Variants in RIMS2 observed in about 807,000 individuals in gnomAD.
RIMS2 encodes regulating synaptic membrane exocytosis 2, also known as regulating synaptic membrane exocytosis protein 2.
In RIMS2, 59 loss-of-function variants were observed where a neutral mutation model predicts 174.4. The observed-to-expected ratio is 0.34, with a 90% CI of 0.27 to 0.42. The LOEUF is 0.42. Among genes scored for constraint, RIMS2 ranks in the 10% least tolerant of loss-of-function variants. The pLI, the probability that RIMS2 is intolerant of heterozygous loss-of-function variation, is 1.00. For missense variants in RIMS2, 1,620 were observed against 1,666.3 expected, an observed-to-expected ratio of 0.97 and a Z score of 0.48; for synonymous variants, 606 against 572.5, an observed-to-expected ratio of 1.06 and a Z score of -0.84.
chr8:104,102,773 C>T (rs994854871), intron 19 of RIMS2, among the ~76,000 whole-genome samples: 6 of 152,066 alleles, frequency 3.9e-5, no homozygotes, highest in African/African-American at 7.2e-5. Flanking sequence ...TTCACTATCA[C>T]GAGAGCAGCA....
At chr8:104,198,451 A>T (rs2099036929) in intron 19 of RIMS2, among the ~76,000 whole-genome samples, 1 of 152,174 alleles carries the variant, frequency 6.6e-6, no homozygotes, top group Non-Finnish European at 1.5e-5. Flanking sequence ...GAGAAACCAC[A>T]CAAAAGACAG....
At chr8:103,936,375 A>G (rs2081257056) in intron 12 of RIMS2, among the ~76,000 whole-genome samples, 176 bp from the exon 15 acceptor site, 1 of 152,214 alleles carries the variant, frequency 6.6e-6, no homozygotes, top group Non-Finnish European at 1.5e-5. Context: ...AAAGTGTGAT[A>G]TAGTATACAC....
chr8:104,041,180 T>G, intron 19 of RIMS2, 146 bp from the exon 22 acceptor site: 2 of 410,844 alleles, frequency 4.9e-6, no homozygotes, highest in Non-Finnish European at 8.7e-6. Flanking sequence ...ATGCATTTGA[T>G]TATATCTTCC....
At chr8:103,648,851 T>G (rs1423637386) in intron 1 of RIMS2, among the ~76,000 whole-genome samples, 2 of 152,192 alleles carry the variant, frequency 1.3e-5, no homozygotes, top group Admixed American at 1.3e-4. Flanking sequence ...GTGAGATGGG[T>G]CTCTTGAAGA....
rs577394233 is a variant in RIMS2 at position 103,527,853 on chromosome 8, G to A, written c.176+26791G>A. The stretch of plus-strand genomic sequence containing the variant: ...GTGAATAGTGCCGCAGTAAACATAC[G>A]TGTGCATGTGTCTTTATAGCAGCAT... On this transcript the variant is annotated intron_variant, in intron 1 of 23. Coordinates refer to ENST00000504942, the Ensembl canonical transcript of RIMS2. 4.6e-5 allele frequency among the ~76,000 whole-genome samples: 7 copies of A among 152,150 alleles called. No homozygotes were observed. In the East Asian group the frequency reaches 7.7e-4, roughly 17 times the overall value.
At chr8:103,759,195 T>G (rs1299195914) in intron 2 of RIMS2, among the ~76,000 whole-genome samples, 1 of 152,128 alleles carries the variant, frequency 6.6e-6, no homozygotes, top group Non-Finnish European at 1.5e-5. Context: ...TGGAAGGGAA[T>G]CACCCTTCGG....
intron 3 of RIMS2, among the ~76,000 whole-genome samples, chr8:103,839,352 G>C (rs1198638824): frequency 6.6e-6 from 1 of 152,144 alleles, no homozygotes; most frequent in Non-Finnish European, 1.5e-5. Flanking sequence ...TTCATCTTGA[G>C]AATGCTAATT....
chr8:103,603,138 C>T (rs2094844813), intron 1 of RIMS2, among the ~76,000 whole-genome samples: 1 of 103,586 alleles, frequency 9.7e-6, no homozygotes, highest in Non-Finnish European at 1.8e-5. Flanking sequence ...CCAGTGCTAT[C>T]CCTCCCCCCT....
intron 19 of RIMS2, among the ~76,000 whole-genome samples, chr8:104,196,881 T>C (rs527751115): frequency 1.5e-3 from 232 of 152,316 alleles, no homozygotes; most frequent in Non-Finnish European, 2.5e-3. Flanking sequence ...AACATAATTA[T>C]TGAAAAGTTT....
intron 16 of RIMS2, among the ~76,000 whole-genome samples, chr8:103,981,838 C>A (rs2093929150): frequency 6.6e-6 from 1 of 151,430 alleles, no homozygotes; most frequent in South Asian, 2.1e-4. Flanking sequence ...AAAGAGCAAA[C>A]AAAAGAAAAA....
chr8:103,574,021 G>A (rs1208648711), intron 1 of RIMS2, among the ~76,000 whole-genome samples: 1 of 151,504 alleles, frequency 6.6e-6, no homozygotes, highest in East Asian at 1.9e-4. Context: ...ATTTGTTTCA[G>A]GTTTTTGCAT....
chr8:103,989,295 G>T lies in RIMS2; in HGVS notation c.2928-10G>T, dbSNP rs955729133. 1 of 1,486,462 alleles carries T rather than the reference G, an allele frequency of 6.7e-7. No individual in the cohort carries two copies. Among genetic ancestry groups the T allele is most frequent in the Non-Finnish European group, 9.4e-7 (1 of 1,065,024 alleles). 92.1% of individuals were successfully genotyped at this position (1,486,462 alleles called of 1,614,324 possible). On this transcript the variant is annotated splice_polypyrimidine_tract_variant and intron_variant, in intron 16 of 23. Transcript: ENST00000504942. ...TTTACTAAGATATTGAATAGATCTT[G>T]TTGTTTTAGTCGGAATGTGGAACAG...
chr8:103,989,948 G>A (rs1177154594), intron 17 of RIMS2, among the ~76,000 whole-genome samples: 3 of 152,036 alleles, frequency 2.0e-5, no homozygotes, highest in Non-Finnish European at 4.4e-5. Context: ...CTTAAAGATT[G>A]TTTGCTGTAT....
chr8:103,763,502 C>A (rs150575568), intron 2 of RIMS2, among the ~76,000 whole-genome samples: 1 of 148,118 alleles, frequency 6.8e-6, no homozygotes, highest in Non-Finnish European at 1.5e-5. Flanking sequence ...AGGGAGAAAG[C>A]GAGGAATATA....
chr8:103,614,797 G>C (rs148760028), intron 1 of RIMS2, among the ~76,000 whole-genome samples: 1 of 152,170 alleles, frequency 6.6e-6, no homozygotes, highest in South Asian at 2.1e-4. Context: ...TGCAGAAGTC[G>C]CATGAAATTA....
chr8:103,965,997 C>T (rs988009476), intron 15 of RIMS2, among the ~76,000 whole-genome samples: 1 of 152,018 alleles, frequency 6.6e-6, no homozygotes, highest in Non-Finnish European at 1.5e-5. Context: ...ATTAATCCCA[C>T]TTATTGTGTA....
At chr8:104,171,078 C>T (rs1377852322) in intron 19 of RIMS2, among the ~76,000 whole-genome samples, 1 of 152,032 alleles carries the variant, frequency 6.6e-6, no homozygotes, top group East Asian at 1.9e-4. Flanking sequence ...AAATTATTTC[C>T]TTCATCTTAA....
At chr8:104,046,630 A>T (rs1402053933) in intron 19 of RIMS2, among the ~76,000 whole-genome samples, 2 of 152,070 alleles carry the variant, frequency 1.3e-5, no homozygotes, top group African/African-American at 4.8e-5. Flanking sequence ...AATCTTCATT[A>T]TTATTATCAA....
chr8:103,542,584 G>A (rs1843022094), intron 1 of RIMS2, among the ~76,000 whole-genome samples: 1 of 152,136 alleles, frequency 6.6e-6, no homozygotes, highest in African/African-American at 2.4e-5. Flanking sequence ...TAAATTCACA[G>A]GCCAATATTC....
Sources: allele counts gnomAD v4.1 joint callset (sites outside exome capture counted in the v4.1 genomes callset), GRCh38; gene constraint gnomAD v4.1.1; transcripts MANE v1.5; gene names NCBI Gene and HGNC (gene_info 2026-07-23, HGNC 2026-07-21).